Variants in MYPN observed in about 807,000 individuals in gnomAD.
MYPN encodes the protein sarcomeric protein myopalladin, 145 kDa (MYOP).
MYPN carries 63 observed loss-of-function variants against 129.4 expected under a neutral mutation model. The observed-to-expected ratio is 0.49, with a 90% confidence interval of 0.40 to 0.60. The LOEUF is 0.60. Among genes scored for constraint, MYPN ranks in the 20% least tolerant of loss-of-function variants. The probability of loss-of-function intolerance (pLI) is 0.00; values close to 1 mark genes in which losing one functional copy is unlikely to be tolerated. For synonymous variants in MYPN, 629 were observed against 600.9 expected (o/e 1.05, Z -0.68); for missense variants, 1,596 against 1,635.4 (o/e 0.98, Z 0.42).
chr10:68,174,446 T>C lies in MYPN; in HGVS notation c.2354T>C (p.Leu785Pro). The C allele has an allele frequency of 6.2e-7, 1 of 1,614,036 alleles. No individual in the cohort carries two copies. The highest frequency in any genetic ancestry group is 8.5e-7 in the Non-Finnish European group (1 of 1,180,006). Reference sequence around the variant, plus strand: ...GGGCTTTCCATCCAAAATGAGCCACTCCCACCAGGCCCAACAGAACCAACA... The same window carrying C: ...GGGCTTTCCATCCAAAATGAGCCACCCCCACCAGGCCCAACAGAACCAACA... ...PGGLSIQNEP[L>P]PPGPTEPTPP... The change falls in exon 11 of 20, where the codon CTC (leucine) becomes CCC (proline). Residue 785 changes from leucine (L) to proline (P), a missense_variant. Physicochemically the swap from Leu to Pro is moderately conservative, Grantham distance 98 (BLOSUM62 -3). Coordinates refer to ENST00000358913, the MANE Select transcript of MYPN (RefSeq NM_032578.4).
At chr10:68,132,364 T>C (rs1356794366) in intron 2 of MYPN, among the ~76,000 whole-genome samples, 1 of 152,242 alleles carries the variant, frequency 6.6e-6, no homozygotes, top group Non-Finnish European at 1.5e-5. Context: ...CACTATCTTT[T>C]CATATATTTC....
At chr10:68,136,202 C>T in intron 2 of MYPN, 2 of 985,998 alleles carry the variant, frequency 2.0e-6, no homozygotes, top group Non-Finnish European at 2.4e-6. Context: ...TTCCTTCTTT[C>T]TTCCCAGGCT....
upstream of MYPN, among the ~76,000 whole-genome samples, chr10:68,103,453 C>T (rs897797719): frequency 6.6e-6 from 1 of 152,112 alleles, no homozygotes; most frequent in Non-Finnish European, 1.5e-5. Context: ...TTTTTCTGTA[C>T]CCTTCATGTT....
At chr10:68,189,171 T>C (rs1200628355) in intron 13 of MYPN, 45 bp downstream of exon 13, 23 of 1,383,182 alleles carry the variant, frequency 1.7e-5, no homozygotes, top group Non-Finnish European at 2.4e-5. Flanking sequence ...AGCATGAAGC[T>C]ATAGACAGTG....
intron 1 of MYPN, among the ~76,000 whole-genome samples, chr10:68,098,233 G>A (rs527942757): frequency 2.6e-5 from 4 of 151,410 alleles, no homozygotes; most frequent in South Asian, 4.2e-4. Context: ...GCAACAGAGC[G>A]AGACTCTGTC....
chr10:68,211,842 T>C lies in MYPN; in HGVS notation c.*1387T>C, dbSNP rs1032484774. ...CTCTAGGCTGTGCAGGGAAATGAATTGCAGGTGTCTGTTTTCAATTCCCTG... is the reference window on the plus strand; with the variant it reads ...CTCTAGGCTGTGCAGGGAAATGAATCGCAGGTGTCTGTTTTCAATTCCCTG... On this transcript the variant is annotated 3_prime_UTR_variant, in exon 20 of 20. Transcript: ENST00000358913. 2.2e-6 allele frequency: 1 copy of C among 453,696 alleles called. No homozygotes were observed. The highest frequency in any genetic ancestry group is 4.4e-6 in the Non-Finnish European group (1 of 226,548). The allele number at this position is 453,696 out of a possible 1,614,324, so 28.1% of individuals were successfully genotyped here. A position where few individuals can be genotyped will look rare whatever the true frequency, so the allele number is the denominator to read the frequency against.
chr10:68,130,042 G>A lies in MYPN; in HGVS notation c.902+7702G>A, dbSNP rs142028823. Among the ~76,000 whole-genome samples the A allele has an allele frequency of 1.4e-4, 22 of 152,272 alleles. 1 individual carries two copies. In the East Asian group the frequency reaches 4.0e-3, roughly 28 times the overall value. On this transcript the variant is annotated intron_variant, in intron 2 of 19. Coordinates refer to ENST00000358913, the MANE Select transcript of MYPN (RefSeq NM_032578.4). ...TTTCATTTCCGCAGTTACAAATGAG[G>A]TTGAAATTTTTTTGTTTGTTGACCT...
chr10:68,189,842 T>C (rs1441143239), intron 13 of MYPN, among the ~76,000 whole-genome samples: 1 of 152,216 alleles, frequency 6.6e-6, no homozygotes, highest in East Asian at 1.9e-4. Flanking sequence ...AGTGCAGATA[T>C]CTCTTCAACA....
chr10:68,147,865 CTTG>C (rs1485817425), intron 4 of MYPN, among the ~76,000 whole-genome samples: 2 of 152,142 alleles, frequency 1.3e-5, no homozygotes, highest in Non-Finnish European at 2.9e-5. Flanking sequence ...ACTTGAAAAG[CTTG>C]TTGACTTCAT....
At chr10:68,196,841 C>T (rs999510007) in intron 15 of MYPN, among the ~76,000 whole-genome samples, 1 of 151,990 alleles carries the variant, frequency 6.6e-6, no homozygotes, top group Non-Finnish European at 1.5e-5. Flanking sequence ...TTAAGAACAG[C>T]TGTTACCGTT....
chr10:68,168,863 C>T (rs199737809), intron 10 of MYPN, among the ~76,000 whole-genome samples: 5 of 151,416 alleles, frequency 3.3e-5, no homozygotes, highest in South Asian at 4.2e-4. Context: ...TGTGGTGGCG[C>T]GTGCCTTTAA....
chr10:68,163,102 C>G (rs1259455049), intron 8 of MYPN, among the ~76,000 whole-genome samples: 2 of 152,122 alleles, frequency 1.3e-5, no homozygotes, highest in African/African-American at 4.8e-5. Context: ...AAAGACCAGC[C>G]TAGGCAATAT....
intron 1 of MYPN, among the ~76,000 whole-genome samples, chr10:68,098,933 C>T (rs988198477): frequency 8.5e-5 from 13 of 152,078 alleles, no homozygotes; most frequent in African/African-American, 3.1e-4. Context: ...CACTAAGTGA[C>T]CTTTAAAATA....
intron 4 of MYPN, among the ~76,000 whole-genome samples, chr10:68,147,696 T>C (rs2042692155): frequency 6.6e-6 from 1 of 152,160 alleles, no homozygotes; most frequent in Non-Finnish European, 1.5e-5. Context: ...CCTTCCCCTC[T>C]GGACGTAGGT....
At chr10:68,105,155 G>T (rs532736943), upstream of MYPN, among the ~76,000 whole-genome samples, 1 of 152,160 alleles carries the variant, frequency 6.6e-6, no homozygotes, top group African/African-American at 2.4e-5. Flanking sequence ...TTGAATATTT[G>T]CAGTGGTTAT....
Position 68,165,839 on chromosome 10 carries a change from G to A in MYPN, c.1600+21G>A, listed in dbSNP as rs41278498. The stretch of plus-strand genomic sequence containing the variant: ...GAGAGGTAAGGACTCTTTAATGCTA[G>A]AACAGTTTAGCCTATGACTTTGAGT... On this transcript the variant is annotated intron_variant, in intron 9 of 19. Coordinates refer to ENST00000358913, the MANE Select transcript of MYPN (RefSeq NM_032578.4). 4 of 1,573,242 alleles carry A rather than the reference G, an allele frequency of 2.5e-6. No individual in the cohort carries two copies. The African/African-American group carries it at 4.0e-5, about 16-fold the overall frequency.
At chr10:68,106,116 G>A (rs1426321584), upstream of MYPN, 13 of 453,476 alleles carry the variant, frequency 2.9e-5, no homozygotes, top group Non-Finnish European at 5.3e-5. Context: ...ACACAAGTTA[G>A]GCAGTGAGAT....
chr10:68,189,871 T>G (rs754382520), intron 13 of MYPN, among the ~76,000 whole-genome samples: 1 of 152,228 alleles, frequency 6.6e-6, no homozygotes, highest in African/African-American at 2.4e-5. Flanking sequence ...TCCTTTCTTT[T>G]GGATATATAT....
chr10:68,201,780 CAA>C (rs370818222), intron 17 of MYPN, 47 bp from the exon 18 acceptor site: 5,083 of 1,296,992 alleles, frequency 3.9e-3, no homozygotes, highest in Admixed American at 6.4e-3. Context: ...GACTCTGTCT[CAA>C]AAAAAAAAAA....
Sources: allele counts gnomAD v4.1 joint callset (sites outside exome capture counted in the v4.1 genomes callset), GRCh38; gene constraint gnomAD v4.1.1; transcripts MANE v1.5; gene names NCBI Gene and HGNC (gene_info 2026-07-23, HGNC 2026-07-21).